The following EPHA3 variants were observed in gnomAD, a reference collection of about 807,000 sequenced individuals.
EPHA3 encodes the protein ephrin type-A receptor 3.
Under a neutral mutation model 107.1 loss-of-function variants are expected in EPHA3, and 42 were observed. The observed-to-expected ratio is 0.39, with a 90% CI of 0.31 to 0.51. The LOEUF is 0.51. Among genes scored for constraint, EPHA3 ranks in the 20% least tolerant of loss-of-function variants. The pLI, the probability that EPHA3 is intolerant of heterozygous loss-of-function variation, is 0.78. For synonymous variants in EPHA3, 461 were observed against 424.8 expected (o/e 1.09, Z -1.05); for missense variants, 1,183 against 1,211.2 (o/e 0.98, Z 0.35).
intron 3 of EPHA3, among the ~76,000 whole-genome samples, chr3:89,277,559 GT>G (rs1281502922): frequency 6.6e-6 from 1 of 152,060 alleles, no homozygotes; most frequent in Non-Finnish European, 1.5e-5. Context: ...TAAATAAAGT[GT>G]TTTTATTTAT....
chr3:89,136,329 G>GTTTTTTT (rs1559747476), intron 2 of EPHA3, among the ~76,000 whole-genome samples: 2 of 23,870 alleles, frequency 8.4e-5, no homozygotes, highest in Non-Finnish European at 8.6e-5. Context: ...AATCTTACAG[G>GTTTTTTT]CTTTTTTTTT....
At chr3:89,186,770 T>C (rs535337164) in intron 2 of EPHA3, among the ~76,000 whole-genome samples, 37 of 152,068 alleles carry the variant, frequency 2.4e-4, no homozygotes, top group Non-Finnish European at 4.6e-4. Context: ...TAGAAAAACA[T>C]GTTGTGAATT....
At position 89,341,815 on chromosome 3, in the gene EPHA3, A is replaced by T; in HGVS notation, c.1031A>T (p.Asp344Val). 6.2e-7 allele frequency: 1 copy of T among 1,613,986 alleles called. No individual in the cohort carries two copies. The highest frequency in any genetic ancestry group is 8.5e-7 in the Non-Finnish European group (1 of 1,180,014). ...SNINETSVILDWSWPLDTGGR... is the reference protein window; with the variant it reads ...SNINETSVILVWSWPLDTGGR... ...ATAAACGAGACCTCAGTTATCCTGG[A>T]CTGGAGTTGGCCCCTGGACACAGGA... is the stretch of plus-strand genomic sequence containing the variant. The change falls in exon 5 of 17, where the codon GAC becomes GTC. Residue 344 changes from aspartate to valine, a missense_variant. Asp to Val is a radical substitution (Grantham distance 152). Coordinates refer to ENST00000336596, the MANE Select transcript of EPHA3 (RefSeq NM_005233.6).
intron 3 of EPHA3, among the ~76,000 whole-genome samples, chr3:89,307,474 AG>A (rs1706651448): frequency 6.6e-6 from 1 of 152,202 alleles, no homozygotes; most frequent in African/African-American, 2.4e-5. Flanking sequence ...GAAAAAGTCA[AG>A]AGGCTAACCA....
At chr3:89,261,040 C>T (rs1457000066) in intron 3 of EPHA3, among the ~76,000 whole-genome samples, 1 of 152,174 alleles carries the variant, frequency 6.6e-6, no homozygotes, top group Non-Finnish European at 1.5e-5. Flanking sequence ...GCTGGCTGAG[C>T]TTGCTCTTCT....
chr3:89,261,012 A>C (rs1302331821), intron 3 of EPHA3, among the ~76,000 whole-genome samples: 1 of 152,206 alleles, frequency 6.6e-6, no homozygotes, highest in Admixed American at 6.5e-5. Flanking sequence ...GTTATATTCC[A>C]ACAAAGGTTC....
intron 2 of EPHA3, among the ~76,000 whole-genome samples, chr3:89,164,900 A>C (rs1705030593): frequency 6.6e-6 from 1 of 152,244 alleles, no homozygotes; most frequent in Admixed American, 6.5e-5. Context: ...GTGTATTTAC[A>C]CAACTACACA....
intron 5 of EPHA3, among the ~76,000 whole-genome samples, chr3:89,379,966 G>A (rs936294834): frequency 6.6e-6 from 1 of 152,136 alleles, no homozygotes; most frequent in Non-Finnish European, 1.5e-5. Flanking sequence ...ACTTTCAATA[G>A]GACCTCTCTT....
chr3:89,158,839 G>A (rs1383334546), intron 2 of EPHA3, among the ~76,000 whole-genome samples: 2 of 152,106 alleles, frequency 1.3e-5, no homozygotes, highest in Non-Finnish European at 1.5e-5. Flanking sequence ...TTTGAAAGGA[G>A]TGGAAACTTG....
chr3:89,351,001 G>A (rs1200084262), intron 5 of EPHA3, among the ~76,000 whole-genome samples: 1 of 151,462 alleles, frequency 6.6e-6, no homozygotes, highest in Non-Finnish European at 1.5e-5. Flanking sequence ...CGTGTTGGGA[G>A]AACCACTGCT....
intron 1 of EPHA3, among the ~76,000 whole-genome samples, chr3:89,109,737 G>T (rs1483211405): frequency 1.3e-5 from 2 of 152,026 alleles, no homozygotes; most frequent in East Asian, 3.9e-4. Flanking sequence ...ATACAGACAG[G>T]TACACATTAA....
At chr3:89,144,421 T>G (rs969766264) in intron 2 of EPHA3, among the ~76,000 whole-genome samples, 9 of 151,772 alleles carry the variant, frequency 5.9e-5, no homozygotes, top group African/African-American at 2.2e-4. Flanking sequence ...TTTTGAATTC[T>G]GAGTTTACAA....
Position 89,431,442 on chromosome 3 carries a change from C to A in EPHA3, c.2346+83C>A, listed in dbSNP as rs563235463. 26 of 1,163,616 alleles carry A rather than the reference C, an allele frequency of 2.2e-5. No homozygotes were observed. In the South Asian group the frequency reaches 3.6e-4, roughly 16 times the overall value. The allele number at this position is 1,163,616 out of a possible 1,614,324, so 72.1% of individuals were successfully genotyped here. ...ATTTGTAAATAAGTAGAAATCATGA[C>A]CCAAAACGTGTTGTCAATTATGCTT... On this transcript the variant is annotated intron_variant, in intron 13 of 16. Transcript: ENST00000336596.
intron 2 of EPHA3, among the ~76,000 whole-genome samples, chr3:89,197,760 G>A (rs1272353013): frequency 2.6e-5 from 4 of 152,076 alleles, no homozygotes; most frequent in Non-Finnish European, 5.9e-5. Context: ...TGGATTTCTT[G>A]AGGTCAGGAA....
intron 3 of EPHA3, among the ~76,000 whole-genome samples, chr3:89,274,694 C>T (rs935089527): frequency 6.6e-5 from 10 of 151,930 alleles, no homozygotes; most frequent in South Asian, 2.1e-4. Flanking sequence ...AAATTGAATG[C>T]CTGCCTTGTA....
intron 15 of EPHA3, among the ~76,000 whole-genome samples, chr3:89,459,488 TCTCTCCTTC>T (rs1710173244): frequency 8.9e-6 from 1 of 111,928 alleles, no homozygotes; most frequent in South Asian, 2.8e-4. Flanking sequence ...TCTCCTTCCT[TCTCTCCTTC>T]CTTCCTTCCT....
chr3:89,269,644 T>C (rs1705619295), intron 3 of EPHA3, among the ~76,000 whole-genome samples: 2 of 151,284 alleles, frequency 1.3e-5, no homozygotes, highest in African/African-American at 4.9e-5. Flanking sequence ...AGGGTACATG[T>C]GCACATTGTG....
intron 5 of EPHA3, among the ~76,000 whole-genome samples, chr3:89,362,668 CAT>C (rs1708116963): frequency 6.6e-6 from 1 of 150,772 alleles, no homozygotes; most frequent in African/African-American, 2.4e-5. Flanking sequence ...AGGAGTTTAA[CAT>C]GTGTGATTGG....
intron 13 of EPHA3, among the ~76,000 whole-genome samples, chr3:89,438,277 T>A (rs1311580675): frequency 6.6e-6 from 1 of 151,392 alleles, no homozygotes; most frequent in African/African-American, 2.4e-5. Flanking sequence ...CCCGGCTAAT[T>A]TTTTTTTGTA....
Sources: allele counts gnomAD v4.1 joint callset (sites outside exome capture counted in the v4.1 genomes callset), GRCh38; gene constraint gnomAD v4.1.1; transcripts MANE v1.5; gene names NCBI Gene and HGNC (gene_info 2026-07-23, HGNC 2026-07-21).